KLHL18: variants seen among roughly 807,000 people sequenced by gnomAD.
KLHL18 encodes kelch-like protein 18.
KLHL18 carries 38 observed loss-of-function variants against 58.5 expected under a neutral mutation model. That is an observed-to-expected ratio of 0.65 (90% CI 0.50 to 0.85). The LOEUF (loss-of-function observed/expected upper bound fraction) is 0.85, where lower values mean the gene tolerates loss of function less well. Among genes scored for constraint, KLHL18 ranks in the 40% least tolerant of loss-of-function variants. KLHL18 has a pLI of 0.00. For synonymous variants in KLHL18, 303 were observed against 301.9 expected (o/e 1.00, Z -0.04); for missense variants, 624 against 778.4 (o/e 0.80, Z 2.36).
At chr3:47,335,014 A>G (rs1255389040) in intron 6 of KLHL18, among the ~76,000 whole-genome samples, 195 bp downstream of exon 6, 1 of 152,248 alleles carries the variant, frequency 6.6e-6, no homozygotes, top group South Asian at 2.1e-4. Context: ...TCAGTGCTAA[A>G]GAGACCTTCT....
chr3:47,333,194 G>A lies in KLHL18; in HGVS notation c.638G>A (p.Arg213Gln), dbSNP rs147553235. 20 of 1,613,946 alleles carry A rather than the reference G, an allele frequency of 1.2e-5. No individual in the cohort carries two copies. The highest frequency in any genetic ancestry group is 5.5e-5 in the South Asian group (5 of 91,080). Reference sequence around the variant, plus strand: ...GCATTGGCCTGGGTCAGATACGACCGGGAGCAGAGGGGTCCCTACCTGCCT... The same window carrying A: ...GCATTGGCCTGGGTCAGATACGACCAGGAGCAGAGGGGTCCCTACCTGCCT... ...EAALAWVRYD[R>Q]EQRGPYLPEL... is the part of the protein sequence containing the mutation. The change falls in exon 5 of 10, where the codon CGG becomes CAG. Residue 213 changes from arginine (R) to glutamine (Q), a missense_variant. By Grantham distance (43) the Arg-to-Gln change is conservative. Transcript: ENST00000232766.
At chr3:47,315,557 C>A (rs114839966) in intron 1 of KLHL18, among the ~76,000 whole-genome samples, 1 of 152,174 alleles carries the variant, frequency 6.6e-6, no homozygotes, top group Non-Finnish European at 1.5e-5. Flanking sequence ...ACTGGAAGAT[C>A]GTGCTCTGAT....
intron 1 of KLHL18, among the ~76,000 whole-genome samples, chr3:47,314,420 T>C (rs1043951142): frequency 3.9e-5 from 6 of 152,244 alleles, no homozygotes; most frequent in Non-Finnish European, 8.8e-5. Context: ...AGTCACTTAA[T>C]AGTTTTGAAA....
At chr3:47,315,407 G>A (rs1421669736) in intron 1 of KLHL18, among the ~76,000 whole-genome samples, 2 of 152,318 alleles carry the variant, frequency 1.3e-5, no homozygotes, top group African/African-American at 4.8e-5. Context: ...ACCAAGCATA[G>A]GAGAAAGGGT....
At chr3:47,335,259 C>G (rs950902369) in intron 6 of KLHL18, among the ~76,000 whole-genome samples, 6 of 152,154 alleles carry the variant, frequency 3.9e-5, no homozygotes, top group African/African-American at 1.2e-4. Flanking sequence ...CACATTTTGT[C>G]ATATGGATCT....
In KLHL18 at chr3:47,334,640, CAG is replaced by C; in HGVS notation, c.762-42_762-41del. 1 of 1,609,402 alleles carries C rather than the reference CAG, an allele frequency of 6.2e-7. No individual in the cohort carries two copies. The highest frequency in any genetic ancestry group is 8.5e-7 in the Non-Finnish European group (1 of 1,176,366). On this transcript the variant is annotated intron_variant, in intron 5 of 9. Transcript: ENST00000232766. The surrounding 1 kb of genome is among the most constrained non-coding windows in gnomAD (Gnocchi z 4.7). Reference sequence around the variant, plus strand: ...TCAGAGATGCAAACGAGGACTAAGTCAGGGGGATACCTCCTGTTCTAGCATCT... The same window carrying C: ...TCAGAGATGCAAACGAGGACTAAGTCGGGGATACCTCCTGTTCTAGCATCT...
chr3:47,330,821 C>T (rs917876744), intron 4 of KLHL18, among the ~76,000 whole-genome samples: 1 of 152,122 alleles, frequency 6.6e-6, no homozygotes, highest in East Asian at 1.9e-4. Flanking sequence ...ACCTCCATCT[C>T]CCAGGTTCAA....
intron 1 of KLHL18, among the ~76,000 whole-genome samples, chr3:47,300,524 A>G (rs1464881048): frequency 2.0e-5 from 3 of 150,282 alleles, no homozygotes; most frequent in Non-Finnish European, 3.0e-5. Flanking sequence ...GATTAGAAGC[A>G]TGAACCACCA....
rs1409107858 is a variant in KLHL18 at position 47,297,681 on chromosome 3, C to G, written c.129+14587C>G. On this transcript the variant is annotated intron_variant, in intron 1 of 9. Coordinates refer to ENST00000232766, the MANE Select transcript of KLHL18 (RefSeq NM_025010.5). ...ACAGTTAAAAAGAAGAGGTAAAATT[C>G]ATCAGAAATTTTGTTACTTGTTTGT... The G allele has an allele frequency of 6.7e-6, 3 of 448,940 alleles. No homozygotes were observed. The East Asian group carries it at 2.1e-4, about 31-fold the overall frequency. 27.8% of individuals were successfully genotyped at this position (448,940 alleles called of 1,614,324 possible). A position where few individuals can be genotyped will look rare whatever the true frequency, so the allele number is the denominator to read the frequency against.
intron 1 of KLHL18, among the ~76,000 whole-genome samples, chr3:47,284,398 G>A (rs1296374778): frequency 5.5e-5 from 8 of 144,836 alleles, no homozygotes; most frequent in African/African-American, 7.7e-5. Context: ...GTGCAGTGGC[G>A]CTATCTTGGC....
intron 3 of KLHL18, among the ~76,000 whole-genome samples, chr3:47,323,171 C>T (rs1051036441): frequency 6.6e-6 from 1 of 152,012 alleles, no homozygotes; most frequent in Non-Finnish European, 1.5e-5. Context: ...TCACTGCAAC[C>T]TCTGCCTCCC....
intron 3 of KLHL18, among the ~76,000 whole-genome samples, chr3:47,323,011 T>C (rs1361333540): frequency 6.6e-6 from 1 of 152,148 alleles, no homozygotes; most frequent in African/African-American, 2.4e-5. Context: ...CTCACCAAAC[T>C]GATTTGTGCA....
At chr3:47,283,132 G>T in intron 1 of KLHL18, 38 bp downstream of exon 1, 1 of 1,539,514 alleles carries the variant, frequency 6.5e-7, no homozygotes, top group Non-Finnish European at 8.8e-7. Context: ...GAGGGAAAAG[G>T]GGTCGAGCGG....
chr3:47,291,178 A>G (rs1702784141), intron 1 of KLHL18, among the ~76,000 whole-genome samples: 1 of 152,198 alleles, frequency 6.6e-6, no homozygotes, highest in Non-Finnish European at 1.5e-5. Flanking sequence ...CACTTGGTTT[A>G]GCTTGTAGGC....
Position 47,322,597 on chromosome 3 carries a change from AC to A in KLHL18, c.291del (p.Tyr97Ter). On this transcript the variant is annotated frameshift_variant, in exon 3 of 10. Transcript: ENST00000232766. LOFTEE classifies it high-confidence loss of function. ...CTGGAGGCTCTGATCAACTTTGCCTACAACGGCAACCTTGCCATTGACCAGC... is the reference window on the plus strand; with the variant it reads ...CTGGAGGCTCTGATCAACTTTGCCTAAACGGCAACCTTGCCATTGACCAGC... The part of the protein sequence containing the change: ...SALEALINFA[Y>X]NGNLAIDQQN... The A allele has an allele frequency of 6.2e-7, 1 of 1,607,000 alleles. No individual in the cohort carries two copies. The highest frequency in any genetic ancestry group is 8.5e-7 in the Non-Finnish European group (1 of 1,177,212).
At chr3:47,287,785 A>C (rs1251232284) in intron 1 of KLHL18, among the ~76,000 whole-genome samples, 1 of 152,140 alleles carries the variant, frequency 6.6e-6, no homozygotes, top group Admixed American at 6.6e-5. Context: ...ACGCCCGGCC[A>C]GTAGTATATA....
chr3:47,340,318 G>A (rs1704080320), intron 7 of KLHL18, among the ~76,000 whole-genome samples: 1 of 152,174 alleles, frequency 6.6e-6, no homozygotes, highest in African/African-American at 2.4e-5. Context: ...ACATGGTGAG[G>A]TGGAAGGTAA....
intron 7 of KLHL18, chr3:47,338,257 T>G (rs561864463): frequency 8.5e-5 from 13 of 152,372 alleles, no homozygotes; most frequent in African/African-American, 3.1e-4. Context: ...CACTCGCCTT[T>G]ACCACCTAGT....
In KLHL18 at chr3:47,295,305, T is replaced by C. The variant is rs540220941; in HGVS notation, c.129+12211T>C. ...TTCTCTAAGACTGCCAGCTGTATTC[T>C]TGATATTCAGAGTCCTGCAGATGTG... is the stretch of plus-strand genomic sequence containing the variant. On this transcript the variant is annotated intron_variant, in intron 1 of 9. Coordinates refer to ENST00000232766, the MANE Select transcript of KLHL18 (RefSeq NM_025010.5). Among the ~76,000 whole-genome samples the C allele has an allele frequency of 2.0e-5, 3 of 152,292 alleles. No homozygotes were observed. In the South Asian group the frequency reaches 6.2e-4, roughly 32 times the overall value.
Sources: allele counts gnomAD v4.1 joint callset (sites outside exome capture counted in the v4.1 genomes callset), GRCh38; gene constraint gnomAD v4.1.1; non-coding constraint Gnocchi (gnomAD v3.1); transcripts MANE v1.5; gene names NCBI Gene and HGNC (gene_info 2026-07-23, HGNC 2026-07-21).